Variants in HECTD4 observed in about 807,000 individuals in gnomAD.
HECTD4 encodes the protein HECT domain E3 ubiquitin protein ligase 4, also known as probable E3 ubiquitin-protein ligase HECTD4.
HECTD4 carries 114 observed loss-of-function variants against 471.5 expected under a neutral mutation model. The ratio of observed to expected loss-of-function variants is 0.24; its 90% CI spans 0.21 to 0.28. HECTD4 has a LOEUF of 0.28. Ranked by LOEUF, HECTD4 falls within the 10% of genes least tolerant of loss-of-function variation. HECTD4 has a pLI of 1.00. For synonymous variants in HECTD4, 2,012 were observed against 2,256.0 expected (o/e 0.89, Z 3.07); for missense variants, 3,866 against 5,651.5 (o/e 0.68, Z 10.13).
At chr12:112,203,511 G>T in intron 54 of HECTD4, 125 bp downstream of exon 54, 5 of 793,702 alleles carry the variant, frequency 6.3e-6, no homozygotes, top group South Asian at 2.1e-5. Flanking sequence ...TTTGCTTTGT[G>T]TCTTCGTCCC....
intron 62 of HECTD4, among the ~76,000 whole-genome samples, chr12:112,181,928 C>T (rs2031682429): frequency 6.6e-6 from 1 of 152,048 alleles, no homozygotes; most frequent in Non-Finnish European, 1.5e-5. Context: ...CCCGTCTCTA[C>T]TAAAAATACA....
At chr12:112,301,962 A>G in intron 7 of HECTD4, 1 of 858,482 alleles carries the variant, frequency 1.2e-6, no homozygotes, top group Non-Finnish European at 2.0e-6. Context: ...TTGCCTCCCC[A>G]GTGACAGCAG....
intron 27 of HECTD4, among the ~76,000 whole-genome samples, 153 bp from the exon 28 acceptor site, chr12:112,247,703 A>G (rs1170719863): frequency 6.6e-6 from 1 of 152,210 alleles, no homozygotes; most frequent in Non-Finnish European, 1.5e-5. Context: ...TTGATATTTT[A>G]ATGATTAAAA....
At position 112,213,340 on chromosome 12, in the gene HECTD4, T is replaced by C. The variant is rs1034545558; in HGVS notation, c.7466-690A>G. On this transcript the variant is annotated intron_variant, in intron 48 of 75. Coordinates refer to ENST00000682272, the MANE Select transcript of HECTD4 (RefSeq NM_001388303.1). This position sits in a 1 kb window ranked among gnomAD's most constrained non-coding sequence, Gnocchi z 4.0. ...TGGAGGATTACTTATGACGAATAAG[T>C]AAAAAGGTATTAGTAATATCATCTC... Among the ~76,000 whole-genome samples, 1 of 152,016 alleles carries C rather than the reference T, an allele frequency of 6.6e-6. No homozygotes were observed. Among genetic ancestry groups the C allele is most frequent in the Admixed American group, 6.6e-5 (1 of 15,256 alleles).
chr12:112,201,442 G>A (rs2032427188), intron 54 of HECTD4: 1 of 153,792 alleles, frequency 6.5e-6, no homozygotes, highest in Admixed American at 6.5e-5. Flanking sequence ...GTGAATTAAT[G>A]ACATACTAGA....
intron 7 of HECTD4, among the ~76,000 whole-genome samples, chr12:112,299,445 C>T (rs959930532): frequency 1.2e-4 from 18 of 151,900 alleles, no homozygotes; most frequent in African/African-American, 4.4e-4. Context: ...AGAAACCTCC[C>T]ACCCCCGTCT....
intron 1 of HECTD4, among the ~76,000 whole-genome samples, chr12:112,335,452 G>A (rs2035936966): frequency 6.6e-6 from 1 of 152,156 alleles, no homozygotes; most frequent in Non-Finnish European, 1.5e-5. Flanking sequence ...CAGCACTTTG[G>A]GAGGCCGAGG....
chr12:112,324,185 GCTCACTGGAGCCTCAAGCTT>G (rs2035695118), intron 1 of HECTD4, among the ~76,000 whole-genome samples: 2 of 146,954 alleles, frequency 1.4e-5, no homozygotes, highest in East Asian at 4.0e-4. Context: ...TGCAATCTTA[GCTCACTGGAGCCTCAAGCTT>G]CCCAGGCTCA....
intron 49 of HECTD4, 145 bp from the exon 50 acceptor site, chr12:112,210,397 G>T (rs1266827978): frequency 5.0e-6 from 4 of 792,198 alleles, no homozygotes; most frequent in Admixed American, 2.4e-5. Context: ...GGGGGCTGGA[G>T]GGACTGAGCA....
chr12:112,172,624 T>G, intron 67 of HECTD4, 47 bp downstream of exon 67: 1 of 1,582,374 alleles, frequency 6.3e-7, no homozygotes, highest in Non-Finnish European at 8.7e-7. Context: ...TCATGGGGCA[T>G]GCCCGCATCA....
At chr12:112,328,377 A>T (rs948229060) in intron 1 of HECTD4, among the ~76,000 whole-genome samples, 1 of 152,160 alleles carries the variant, frequency 6.6e-6, no homozygotes, top group African/African-American at 2.4e-5. Flanking sequence ...GGTTCAAGTG[A>T]TCCTCCTGCC....
Position 112,344,913 on chromosome 12 carries a change from C to T in HECTD4, c.178-25171G>A, listed in dbSNP as rs149358372. 2.4e-3 allele frequency among the ~76,000 whole-genome samples: 362 copies of T among 151,072 alleles called. 10 individuals are homozygous for T. The East Asian group carries it at 0.063, about 26-fold the overall frequency. ...AGCCTGGGCAATGAGAATGAAACTC[C>T]GTCTCAAAAAAAGAAAAGAGAAGAG... On this transcript the variant is annotated intron_variant, in intron 1 of 75. Transcript: ENST00000682272.
At chr12:112,176,528 CG>C in intron 65 of HECTD4, 67 bp downstream of exon 65, 4 of 1,112,792 alleles carry the variant, frequency 3.6e-6, no homozygotes, top group Non-Finnish European at 5.5e-6. Context: ...GCCTGCTCCT[CG>C]GGGGGTGCCT....
At chr12:112,370,098 G>C (rs1674726310) in intron 1 of HECTD4, among the ~76,000 whole-genome samples, 1 of 152,166 alleles carries the variant, frequency 6.6e-6, no homozygotes. Context: ...TTATAAAAGG[G>C]ATGTGGGAAG....
At chr12:112,331,066 G>C (rs2035837394) in intron 1 of HECTD4, among the ~76,000 whole-genome samples, 1 of 151,900 alleles carries the variant, frequency 6.6e-6, no homozygotes, top group South Asian at 2.1e-4. Context: ...GTTCTGGTGT[G>C]TTTTGGTTTG....
At chr12:112,186,913 G>A (rs1335323693) in intron 60 of HECTD4, among the ~76,000 whole-genome samples, 1 of 151,654 alleles carries the variant, frequency 6.6e-6, no homozygotes, top group African/African-American at 2.4e-5. Context: ...AGTGGTCCGT[G>A]TGCCTCAGCC....
Position 112,169,240 on chromosome 12 carries a change from G to A in HECTD4, c.12208+263C>T, listed in dbSNP as rs117536310. ...CAACTCCTCAGCCAGGGCCCTTCCC[G>A]GGGAGGGGGCCAATCAGCACCGAGG... On this transcript the variant is annotated intron_variant, in intron 70 of 75. Coordinates refer to ENST00000682272, the MANE Select transcript of HECTD4 (RefSeq NM_001388303.1). 6.9e-4 allele frequency among the ~76,000 whole-genome samples: 105 copies of A among 152,290 alleles called. 1 individual carries two copies. In the East Asian group the frequency reaches 0.017, roughly 24 times the overall value.
intron 16 of HECTD4, 88 bp downstream of exon 16, chr12:112,265,087 G>A: frequency 1.6e-6 from 2 of 1,233,132 alleles, no homozygotes; most frequent in Non-Finnish European, 2.2e-6. Context: ...TTGTAAGTCT[G>A]TATGTATACA....
rs898171542 is a variant in HECTD4 at position 112,265,812 on chromosome 12, A to G, written c.2498+66T>C. ...AACAGGAGACTAAAGTTGATCAAAC[A>G]CATTTAAATGTAAACTAACGACTGA... On this transcript the variant is annotated intron_variant, in intron 15 of 75. Transcript: ENST00000682272. 4.7e-5 allele frequency: 57 copies of G among 1,215,062 alleles called. No homozygotes were observed. In the South Asian group the frequency reaches 7.1e-4, roughly 15 times the overall value. The allele number at this position is 1,215,062 out of a possible 1,614,324, so 75.3% of individuals were successfully genotyped here. A position where few individuals can be genotyped will look rare whatever the true frequency, so the allele number is the denominator to read the frequency against.
Sources: gnomAD v4.1 joint callset for allele counts (sites outside exome capture counted in the v4.1 genomes callset) on GRCh38, gnomAD v4.1.1 for gene constraint, Gnocchi (gnomAD v3.1) non-coding constraint, MANE v1.5 for transcripts, NCBI Gene and HGNC (gene_info 2026-07-23, HGNC 2026-07-21) for gene names.